Variants in SHC2 observed in about 807,000 individuals in gnomAD.
SHC2 encodes the protein SHC adaptor protein 2.
Under a neutral mutation model 60.6 loss-of-function variants are expected in SHC2, and 62 were observed. That is an observed-to-expected ratio of 1.02 (90% CI 0.83 to 1.26). The LOEUF (loss-of-function observed/expected upper bound fraction) is 1.26, where lower values mean the gene tolerates loss of function less well. SHC2 is among the 50% of genes most tolerant of loss of function. The pLI, the probability that SHC2 is intolerant of heterozygous loss-of-function variation, is 0.00. For synonymous variants in SHC2, 375 were observed against 372.4 expected, an observed-to-expected ratio of 1.01 and a Z score of -0.08; for missense variants, 873 against 822.2, an observed-to-expected ratio of 1.06 and a Z score of -0.76.
chr19:424,469 C>G lies in SHC2; in HGVS notation c.1309+628G>C, dbSNP rs1974358532. Among the ~76,000 whole-genome samples, 1 of 152,164 alleles carries G rather than the reference C, an allele frequency of 6.6e-6. No homozygotes were observed. ...ACTAGGGAGACCCAGAGTCAGCGTG[C>G]AAGACCAGCGGGCCAGGCAGTCGTC... is the stretch of plus-strand genomic sequence containing the variant. On this transcript the variant is annotated intron_variant, in intron 10 of 12. Transcript: ENST00000264554. The surrounding 1 kb of genome is among the most constrained non-coding windows in gnomAD (Gnocchi z 4.5).
At chr19:454,407 GGGGA>G (rs1259315229) in intron 1 of SHC2, among the ~76,000 whole-genome samples, 2 of 152,198 alleles carry the variant, frequency 1.3e-5, no homozygotes, top group African/African-American at 4.8e-5. Context: ...CTTTCAGCCA[GGGGA>G]GGAACTGACC....
In SHC2 at chr19:445,317, AGAGCCCAG is replaced by A; in HGVS notation, c.469-4393_469-4386del. 1.3e-5 allele frequency among the ~76,000 whole-genome samples: 2 copies of A among 152,334 alleles called. No homozygotes were observed. Among genetic ancestry groups the A allele is most frequent in the East Asian group, 3.9e-4 (2 of 5,182 alleles). ...TGCCCTTATAAAAGAGACCCCAGAC[AGAGCCCAG>A]CCCTCCACCACGTGAGGACACAGGA... is the stretch of plus-strand genomic sequence containing the variant. On this transcript the variant is annotated intron_variant, in intron 1 of 12. Coordinates refer to ENST00000264554, the MANE Select transcript of SHC2 (RefSeq NM_012435.3). The surrounding 1 kb of genome is among the most constrained non-coding windows in gnomAD (Gnocchi z 4.4).
intron 1 of SHC2, among the ~76,000 whole-genome samples, chr19:451,666 C>T (rs111824506): frequency 0.033 from 5,053 of 152,220 alleles, 279 homozygotes; most frequent in African/African-American, 0.11. Context: ...GGCGTGATCT[C>T]GGCTCACTGC....
rs115180860 is a variant in SHC2 at position 438,468 on chromosome 19, G to A, written c.720+250C>T. Among the ~76,000 whole-genome samples the A allele has an allele frequency of 5.2e-3, 793 of 152,272 alleles. 6 individuals are homozygous for A. Among genetic ancestry groups the A allele is most frequent in the African/African-American group, 0.018 (758 of 41,516 alleles). On this transcript the variant is annotated intron_variant, in intron 4 of 12. Transcript: ENST00000264554. The surrounding 1 kb of genome is among the most constrained non-coding windows in gnomAD (Gnocchi z 5.0). ...TGGCCCCTGCAGGGTGCTGAGCAGCGTCCCTGCCCCCACCCACTCCATGCC... is the reference window on the plus strand; with the variant it reads ...TGGCCCCTGCAGGGTGCTGAGCAGCATCCCTGCCCCCACCCACTCCATGCC...
At position 424,707 on chromosome 19, in the gene SHC2, A is replaced by T. The variant is rs1974365343; in HGVS notation, c.1309+390T>A. ...CAGAGGCAGGTGGGTTACCCCCGAGAGAGTGGAGCTTCTCACAGAGCGGGG... is the reference window on the plus strand; with the variant it reads ...CAGAGGCAGGTGGGTTACCCCCGAGTGAGTGGAGCTTCTCACAGAGCGGGG... On this transcript the variant is annotated intron_variant, in intron 10 of 12. Transcript: ENST00000264554. The surrounding 1 kb of genome is among the most constrained non-coding windows in gnomAD (Gnocchi z 4.5). 6.6e-6 allele frequency among the ~76,000 whole-genome samples: 1 copy of T among 151,962 alleles called. No homozygotes were observed. Among genetic ancestry groups the T allele is most frequent in the African/African-American group, 2.4e-5 (1 of 41,360 alleles).
At chr19:442,246 A>T (rs1189997589) in intron 1 of SHC2, among the ~76,000 whole-genome samples, 1 of 148,352 alleles carries the variant, frequency 6.7e-6, no homozygotes, top group Non-Finnish European at 1.5e-5. Context: ...TGGGTGGGTG[A>T]GTGGGTGAAC....
chr19:456,211 A>G (rs1975339345), intron 1 of SHC2, among the ~76,000 whole-genome samples: 1 of 152,032 alleles, frequency 6.6e-6, no homozygotes, highest in Non-Finnish European at 1.5e-5. Flanking sequence ...GGGCTTGGCT[A>G]TTCCCCTCCT....
In SHC2 at chr19:453,033, T is replaced by A. The variant is rs1600324020; in HGVS notation, c.468+7496A>T. The A allele has an allele frequency of 6.6e-6, 1 of 152,190 alleles. No homozygotes were observed. The highest frequency in any genetic ancestry group is 6.5e-5 in the Admixed American group (1 of 15,272). The allele number at this position is 152,190 out of a possible 1,614,324, so 9.4% of individuals were successfully genotyped here. On this transcript the variant is annotated intron_variant, in intron 1 of 12. Transcript: ENST00000264554. The surrounding 1 kb of genome is among the most constrained non-coding windows in gnomAD (Gnocchi z 6.3). ...GGATGACCTCTGCTCCCAGTGGACG[T>A]GGCCGGGTCCCAGCGACGTCGGGTG...
rs149743306 is a variant in SHC2, at chr19:447,776, C to A, written c.469-6844G>T. ...CTGGGTGACAAGAACAAAACTCCAT[C>A]TAAAAAAAAAATTAAAAAATTATAT... On this transcript the variant is annotated intron_variant, in intron 1 of 12. Coordinates refer to ENST00000264554, the MANE Select transcript of SHC2 (RefSeq NM_012435.3). Among the ~76,000 whole-genome samples the A allele has an allele frequency of 3.4e-3, 502 of 148,882 alleles. 5 individuals carry two copies. The highest frequency in any genetic ancestry group is 0.012 in the African/African-American group (466 of 39,314).
chr19:429,639 ATACCCAACATGCACGGAAATCTC>A (rs1974516534), intron 9 of SHC2, among the ~76,000 whole-genome samples: 1 of 119,488 alleles, frequency 8.4e-6, no homozygotes, highest in Admixed American at 8.3e-5. Flanking sequence ...CACAGTACCT[ATACCCAACATGCACGGAAATCTC>A]ATACCGTGTG....
chr19:437,085 G>A (rs929291863), intron 4 of SHC2, among the ~76,000 whole-genome samples: 1 of 152,120 alleles, frequency 6.6e-6, no homozygotes, highest in African/African-American at 2.4e-5. Context: ...CCACACTCCT[G>A]ACTCCCTTGT....
chr19:436,001 A>G, intron 7 of SHC2, 164 bp downstream of exon 7: 1 of 735,960 alleles, frequency 1.4e-6, no homozygotes. Flanking sequence ...GGGTGTTAAC[A>G]GCCGAGGAAA....
chr19:430,046 C>T (rs1271020115), intron 9 of SHC2, among the ~76,000 whole-genome samples: 1 of 146,928 alleles, frequency 6.8e-6, no homozygotes, highest in African/African-American at 2.5e-5. Context: ...CCAACGTGCA[C>T]GGAAACCTAA....
At chr19:436,740 C>T in intron 4 of SHC2, 57 bp from the exon 5 acceptor site, 2 of 1,509,522 alleles carry the variant, frequency 1.3e-6, no homozygotes, top group African/African-American at 1.4e-5. Flanking sequence ...GGCAGGGGGC[C>T]CGGCAGATGG....
In SHC2 at chr19:458,335, G is replaced by A. The variant is rs1193883705; in HGVS notation, c.468+2194C>T. Reference sequence around the variant, plus strand: ...TCTTGGGGAGGCGGAAGCGGGTTCCGGGGAGACAGAAGCGGGTTCCGGGGA... The same window carrying A: ...TCTTGGGGAGGCGGAAGCGGGTTCCAGGGAGACAGAAGCGGGTTCCGGGGA... On this transcript the variant is annotated intron_variant, in intron 1 of 12. Coordinates refer to ENST00000264554, the MANE Select transcript of SHC2 (RefSeq NM_012435.3). Among the ~76,000 whole-genome samples, 6 of 129,540 alleles carry A rather than the reference G, an allele frequency of 4.6e-5. 1 individual carries two copies. The highest frequency in any genetic ancestry group is 9.7e-5 in the Non-Finnish European group (6 of 61,576). 85.0% of individuals were successfully genotyped at this position (129,540 alleles called of 152,430 possible).
rs917884748 is a variant in SHC2, at chr19:422,793, T to A, written c.1310-337A>T. The A allele has an allele frequency of 4.3e-6, 1 of 230,114 alleles. No individual in the cohort carries two copies. Among genetic ancestry groups the A allele is most frequent in the Non-Finnish European group, 8.4e-6 (1 of 118,634 alleles). The allele number at this position is 230,114 out of a possible 1,614,324, so 14.3% of individuals were successfully genotyped here. ...TCCTTCCCAAAGCGTACGCCTCTCG[T>A]TTCCTTGTCTGGTCTTACTGCATTG... is the stretch of plus-strand genomic sequence containing the variant. On this transcript the variant is annotated intron_variant, in intron 10 of 12. Coordinates refer to ENST00000264554, the MANE Select transcript of SHC2 (RefSeq NM_012435.3). This position sits in a 1 kb window ranked among gnomAD's most constrained non-coding sequence, Gnocchi z 5.0.
chr19:434,779 G>C lies in SHC2; in HGVS notation c.1040C>G (p.Pro347Arg). The C allele has an allele frequency of 1.2e-6, 2 of 1,612,876 alleles. No individual in the cohort carries two copies. Among genetic ancestry groups the C allele is most frequent in the Non-Finnish European group, 1.7e-6 (2 of 1,179,814 alleles). The change falls in exon 8 of 13, where the codon CCG becomes CGG. Residue 347 changes from proline (P) to arginine (R), a missense_variant. Transcript: ENST00000264554. The part of the protein sequence containing the change: ...NYYNSIPGKE[P>R]PLGGLVDSRL... ...GGAGTCCACTAGCCCGCCCAGCGGCGGCTCCTTCCCCGGGATGCTGTTGTA... is the reference window on the plus strand; with the variant it reads ...GGAGTCCACTAGCCCGCCCAGCGGCCGCTCCTTCCCCGGGATGCTGTTGTA...
At position 457,190 on chromosome 19, in the gene SHC2, A is replaced by C. The variant is rs112606965; in HGVS notation, c.468+3339T>G. 5.1e-3 allele frequency among the ~76,000 whole-genome samples: 360 copies of C among 71,038 alleles called. 8 individuals are homozygous for C. The highest frequency in any genetic ancestry group is 0.023 in the African/African-American group (292 of 12,680). 46.6% of individuals were successfully genotyped at this position (71,038 alleles called of 152,430 possible). A position where few individuals can be genotyped will look rare whatever the true frequency, so the allele number is the denominator to read the frequency against. ...TTGCACCAGCACCTGCTGTGCCCCG[A>C]CTAGAACTCTGTCTGCAAACCCCAC... On this transcript the variant is annotated intron_variant, in intron 1 of 12. Coordinates refer to ENST00000264554, the MANE Select transcript of SHC2 (RefSeq NM_012435.3).
chr19:427,782 G>A (rs1568283618), intron 9 of SHC2, among the ~76,000 whole-genome samples: 1 of 103,738 alleles, frequency 9.6e-6, no homozygotes, highest in Non-Finnish European at 2.0e-5. Context: ...GCACAGGTAA[G>A]GGGACAGGGG....
Sources: gnomAD v4.1 joint callset for allele counts (sites outside exome capture counted in the v4.1 genomes callset) on GRCh38, gnomAD v4.1.1 for gene constraint, Gnocchi (gnomAD v3.1) non-coding constraint, MANE v1.5 for transcripts, NCBI Gene and HGNC (gene_info 2026-07-23, HGNC 2026-07-21) for gene names.